CSMD1: variants seen among roughly 807,000 people sequenced by gnomAD.
CSMD1 encodes CUB and sushi domain-containing protein 1.
Under a neutral mutation model 417.5 loss-of-function variants are expected in CSMD1, and 213 were observed. The ratio of observed to expected loss-of-function variants is 0.51; its 90% CI spans 0.46 to 0.57. The LOEUF (loss-of-function observed/expected upper bound fraction) is 0.57, where lower values mean the gene tolerates loss of function less well. CSMD1 is among the 20% of genes least tolerant of loss of function. CSMD1 has a pLI of 0.00. For missense variants in CSMD1, 6,923 were observed against 4,529.7 expected, an observed-to-expected ratio of 1.53 and a Z score of -15.17; for synonymous variants, 2,862 against 1,736.8, an observed-to-expected ratio of 1.65 and a Z score of -16.11.
chr8:3,577,636 T>A (rs1179009552), intron 9 of CSMD1, among the ~76,000 whole-genome samples: 2 of 152,208 alleles, frequency 1.3e-5, no homozygotes, highest in Non-Finnish European at 2.9e-5. Context: ...AGCTTCTGAA[T>A]AGGTGTAACA....
At chr8:4,222,373 GAAGCTTCCATCTTATTCTGTAAACAGAA>G (rs1563297180) in intron 3 of CSMD1, among the ~76,000 whole-genome samples, 82 of 500 alleles carry the variant, frequency 0.16, no homozygotes, top group Middle Eastern at 0.5. Context: ...AACAGAATAA[GAAGCTTCCATCTTATTCTGTAAACAGAA>G]TAAGAAGCTT....
chr8:3,288,423 T>G (rs1193240786), intron 25 of CSMD1, among the ~76,000 whole-genome samples: 1 of 147,234 alleles, frequency 6.8e-6, no homozygotes, highest in East Asian at 2.0e-4. Flanking sequence ...TGAATCCATC[T>G]GGTCCTGGAC....
intron 1 of CSMD1, among the ~76,000 whole-genome samples, chr8:4,755,100 T>C (rs777518528): frequency 2.5e-4 from 38 of 152,208 alleles, no homozygotes; most frequent in South Asian, 4.1e-4. Flanking sequence ...ATGGTGCCAC[T>C]GCACTCCAGC....
At chr8:4,419,814 G>T (rs566899031) in intron 3 of CSMD1, 139 bp downstream of exon 3, 3 of 564,258 alleles carry the variant, frequency 5.3e-6, no homozygotes, top group African/African-American at 3.7e-5. Flanking sequence ...AAATGCCATT[G>T]CATTACACAG....
chr8:4,900,140 C>G (rs1585290358), intron 1 of CSMD1, among the ~76,000 whole-genome samples: 1 of 152,212 alleles, frequency 6.6e-6, no homozygotes, highest in East Asian at 1.9e-4. Flanking sequence ...CTTCTTCACA[C>G]TCTAGTTTTC....
chr8:3,056,358 G>GT (rs1812218882), intron 49 of CSMD1, among the ~76,000 whole-genome samples: 1 of 152,046 alleles, frequency 6.6e-6, no homozygotes, highest in Non-Finnish European at 1.5e-5. Flanking sequence ...GGCTTAAAAC[G>GT]TTTCTCTGTT....
intron 6 of CSMD1, among the ~76,000 whole-genome samples, chr8:3,712,906 A>G (rs1358117097): frequency 6.6e-6 from 1 of 152,168 alleles, no homozygotes; most frequent in African/African-American, 2.4e-5. Flanking sequence ...GACAGAAGGA[A>G]TAAGTTCAAG....
chr8:4,371,682 A>G (rs1311697987), intron 3 of CSMD1, among the ~76,000 whole-genome samples: 1 of 152,230 alleles, frequency 6.6e-6, no homozygotes, highest in African/African-American at 2.4e-5. Context: ...TAAAGTTAGT[A>G]GAATGTTAGC....
chr8:3,177,692 G>A (rs142561307), intron 37 of CSMD1, among the ~76,000 whole-genome samples: 47 of 152,150 alleles, frequency 3.1e-4, no homozygotes, highest in African/African-American at 9.9e-4. Flanking sequence ...CTCCAGTCTC[G>A]GGGCCCGTGT....
At chr8:3,949,308 C>A (rs1337902760) in intron 5 of CSMD1, among the ~76,000 whole-genome samples, 1 of 152,106 alleles carries the variant, frequency 6.6e-6, no homozygotes. Flanking sequence ...CTTTCTCATC[C>A]TGTCTCACTG....
At chr8:3,047,742 G>A (rs1191009684) in intron 50 of CSMD1, among the ~76,000 whole-genome samples, 2 of 152,112 alleles carry the variant, frequency 1.3e-5, no homozygotes, top group Non-Finnish European at 2.9e-5. Flanking sequence ...GTTATGTAAT[G>A]CCAATCCCTT....
intron 3 of CSMD1, among the ~76,000 whole-genome samples, chr8:4,231,954 C>G (rs906719549): frequency 6.6e-6 from 1 of 152,194 alleles, no homozygotes; most frequent in African/African-American, 2.4e-5. Context: ...TTTCTACCTC[C>G]TCCTTTCTTT....
chr8:3,983,822 G>A (rs1814094509), intron 5 of CSMD1, among the ~76,000 whole-genome samples: 1 of 152,088 alleles, frequency 6.6e-6, no homozygotes, highest in African/African-American at 2.4e-5. Flanking sequence ...CAGCTCCAGA[G>A]CACCTGGCAG....
chr8:4,508,777 G>A (rs1362001759), intron 2 of CSMD1, among the ~76,000 whole-genome samples: 3 of 152,122 alleles, frequency 2.0e-5, no homozygotes, highest in African/African-American at 4.8e-5. Context: ...TATTTCAGTG[G>A]AATGTCAAAA....
chr8:4,382,060 A>G (rs1483702966), intron 3 of CSMD1, among the ~76,000 whole-genome samples: 1 of 152,092 alleles, frequency 6.6e-6, no homozygotes, highest in Non-Finnish European at 1.5e-5. Flanking sequence ...CAGAACTGGG[A>G]CTCTCAGCCA....
At chr8:3,573,415 G>A (rs879207052) in intron 10 of CSMD1, among the ~76,000 whole-genome samples, 2 of 152,144 alleles carry the variant, frequency 1.3e-5, no homozygotes, top group East Asian at 1.9e-4. Flanking sequence ...GGTACAACAC[G>A]GCTCTAGCAT....
chr8:4,699,839 G>A (rs904471340), intron 1 of CSMD1, among the ~76,000 whole-genome samples: 1 of 152,222 alleles, frequency 6.6e-6, no homozygotes, highest in African/African-American at 2.4e-5. Flanking sequence ...GAGAGTACAA[G>A]TGAGATTGAC....
chr8:4,242,288 G>C (rs763823823), intron 3 of CSMD1, among the ~76,000 whole-genome samples: 14 of 152,278 alleles, frequency 9.2e-5, no homozygotes, highest in African/African-American at 2.4e-4. Flanking sequence ...GTGAAGGGCA[G>C]ACTGGAAAAT....
At chr8:3,473,152 G>A (rs1295071156) in intron 11 of CSMD1, among the ~76,000 whole-genome samples, 1 of 152,118 alleles carries the variant, frequency 6.6e-6, no homozygotes, top group Non-Finnish European at 1.5e-5. Context: ...ATACCTCTCA[G>A]TCGATATATT....
Sources: gnomAD v4.1 joint callset for allele counts (sites outside exome capture counted in the v4.1 genomes callset) on GRCh38, gnomAD v4.1.1 for gene constraint, MANE v1.5 for transcripts, NCBI Gene and HGNC (gene_info 2026-07-23, HGNC 2026-07-21) for gene names.